Variants in PCNX1 observed in about 807,000 individuals in gnomAD.
PCNX1 encodes the protein pecanex 1, also known as pecanex-like protein 1.
Under a neutral mutation model 242.2 loss-of-function variants are expected in PCNX1, and 78 were observed. The observed-to-expected ratio is 0.32, with a 90% CI of 0.27 to 0.39. PCNX1 has a LOEUF of 0.39. PCNX1 is among the 10% of genes least tolerant of loss of function. The pLI is 1.00. For synonymous variants in PCNX1, 1,024 were observed against 1,032.9 expected, an observed-to-expected ratio of 0.99 and a Z score of 0.17; for missense variants, 2,581 against 2,856.5, an observed-to-expected ratio of 0.90 and a Z score of 2.20.
At chr14:71,104,217 T>C (rs1236215733) in intron 32 of PCNX1, among the ~76,000 whole-genome samples, 2 of 152,228 alleles carry the variant, frequency 1.3e-5, no homozygotes, top group African/African-American at 4.8e-5. Flanking sequence ...AAATTATGTC[T>C]GGTGTAGGAA....
intron 1 of PCNX1, among the ~76,000 whole-genome samples, chr14:70,911,889 CAT>C (rs1245843479): frequency 1.3e-5 from 2 of 152,110 alleles, no homozygotes; most frequent in Admixed American, 1.3e-4. Flanking sequence ...ATTTTCATAA[CAT>C]ATTGCTCAAT....
intron 12 of PCNX1, among the ~76,000 whole-genome samples, chr14:71,019,946 C>T (rs1333426140): frequency 2.0e-5 from 3 of 151,960 alleles, no homozygotes; most frequent in Admixed American, 2.0e-4. Flanking sequence ...CCCTCCGCCC[C>T]CTGACGGACC....
intron 1 of PCNX1, among the ~76,000 whole-genome samples, chr14:70,931,137 G>A (rs2056783623): frequency 6.6e-6 from 1 of 152,030 alleles, no homozygotes; most frequent in African/African-American, 2.4e-5. Flanking sequence ...AAGAATGAAA[G>A]GTGGGAGAGC....
At chr14:70,980,262 A>C (rs2058799884) in intron 6 of PCNX1, among the ~76,000 whole-genome samples, 1 of 151,826 alleles carries the variant, frequency 6.6e-6, no homozygotes, top group Non-Finnish European at 1.5e-5. Flanking sequence ...TTTTTTAGGA[A>C]AAGTTACCTG....
intron 5 of PCNX1, among the ~76,000 whole-genome samples, chr14:70,971,057 A>G (rs1181347394): frequency 6.6e-6 from 1 of 151,750 alleles, no homozygotes; most frequent in Non-Finnish European, 1.5e-5. Context: ...ACAGTCCTAT[A>G]ATTCAAATCT....
Position 70,931,847 on chromosome 14 carries a change from G to C in PCNX1, c.154-15068G>C, listed in dbSNP as rs12878500. Among the ~76,000 whole-genome samples, 776 of 152,356 alleles carry C rather than the reference G, an allele frequency of 5.1e-3. 8 individuals are homozygous for C. Among genetic ancestry groups the C allele is most frequent in the Middle Eastern group, 6.8e-3 (2 of 294 alleles). On this transcript the variant is annotated intron_variant, in intron 1 of 35. Transcript: ENST00000304743. The stretch of plus-strand genomic sequence containing the variant: ...GGGATTTAAGAATGATCTAGGGCCA[G>C]GCACGGTGGCTCACGCCTGTAATCC...
chr14:70,985,833 A>G (rs1364626665), intron 6 of PCNX1, among the ~76,000 whole-genome samples: 1 of 152,224 alleles, frequency 6.6e-6, no homozygotes, highest in Non-Finnish European at 1.5e-5. Context: ...AAGCAGTGTC[A>G]AAATGTCAAC....
At chr14:71,001,216 C>T (rs927563538) in intron 8 of PCNX1, among the ~76,000 whole-genome samples, 1 of 152,174 alleles carries the variant, frequency 6.6e-6, no homozygotes, top group African/African-American at 2.4e-5. Context: ...GCAGTGAACA[C>T]TGTGCTGAAT....
At chr14:71,008,508 T>C (rs1040610168) in intron 8 of PCNX1, among the ~76,000 whole-genome samples, 13 of 151,854 alleles carry the variant, frequency 8.6e-5, no homozygotes, top group Middle Eastern at 3.4e-3. Context: ...TACGAAAAAT[T>C]AGCCGGGCGT....
At chr14:70,982,364 G>A (rs1433919168) in intron 6 of PCNX1, among the ~76,000 whole-genome samples, 1 of 152,196 alleles carries the variant, frequency 6.6e-6, no homozygotes, top group Non-Finnish European at 1.5e-5. Context: ...GAAATACACA[G>A]CTAACCCTAA....
chr14:70,948,968 TAC>T (rs1387530689), intron 2 of PCNX1, among the ~76,000 whole-genome samples: 5 of 148,296 alleles, frequency 3.4e-5, no homozygotes, highest in East Asian at 2.0e-4. Context: ...TATGTGTATA[TAC>T]ACTTATAAAT....
intron 5 of PCNX1, among the ~76,000 whole-genome samples, chr14:70,975,366 TTAAAATG>T (rs752122858): frequency 3.3e-5 from 5 of 152,156 alleles, no homozygotes; most frequent in Non-Finnish European, 7.4e-5. Context: ...CTTGAAAACT[TTAAAATG>T]TAAAATAAAG....
intron 6 of PCNX1, among the ~76,000 whole-genome samples, chr14:70,984,159 A>G (rs1297284267): frequency 6.6e-6 from 1 of 151,256 alleles, no homozygotes; most frequent in Non-Finnish European, 1.5e-5. Flanking sequence ...ATCTTTTTGA[A>G]GTACTAAATG....
At chr14:71,080,839 T>G (rs2061836195) in intron 28 of PCNX1, among the ~76,000 whole-genome samples, 1 of 152,206 alleles carries the variant, frequency 6.6e-6, no homozygotes, top group Admixed American at 6.5e-5. Flanking sequence ...CTTCCTCTCT[T>G]CCTATTTAAA....
rs2060028086 is a variant in PCNX1 at position 71,019,021 on chromosome 14, C to G, written c.3009C>G (p.Ile1003Met). 3 of 1,611,216 alleles carry G rather than the reference C, an allele frequency of 1.9e-6. No individual in the cohort carries two copies. Among genetic ancestry groups the G allele is most frequent in the African/African-American group, 1.3e-5 (1 of 74,688 alleles). ...TTTCTGTCCGTAGAAATCGTGAGAT[C>G]CTGGAAAATGTGTTAGCTGTCATCC... Reference protein sequence around the residue: ...LLALFDRNREILENVLAVILA... With the variant: ...LLALFDRNREMLENVLAVILA... Residue 1003 changes from isoleucine (I) to methionine (M), a missense_variant, in exon 12 of 36, where the codon ATC (isoleucine) becomes ATG (methionine). Ile to Met is a conservative substitution (Grantham distance 10). Coordinates refer to ENST00000304743, the MANE Select transcript of PCNX1 (RefSeq NM_014982.3).
chr14:70,933,786 T>C (rs1250982782), intron 1 of PCNX1, among the ~76,000 whole-genome samples: 1 of 152,204 alleles, frequency 6.6e-6, no homozygotes, highest in African/African-American at 2.4e-5. Context: ...TGCTTAAAAA[T>C]ATACCTTGCA....
At chr14:70,923,524 C>T (rs955635702) in intron 1 of PCNX1, among the ~76,000 whole-genome samples, 5 of 152,086 alleles carry the variant, frequency 3.3e-5, no homozygotes, top group African/African-American at 1.2e-4. Flanking sequence ...GCACATGATC[C>T]TCCTGTTGTC....
At chr14:71,064,849 T>C (rs761564816) in intron 26 of PCNX1, among the ~76,000 whole-genome samples, 2 of 152,182 alleles carry the variant, frequency 1.3e-5, no homozygotes, top group Non-Finnish European at 2.9e-5. Context: ...CTCCCACTTA[T>C]GAGTGAGAAC....
At chr14:70,995,595 A>T (rs2059325279) in intron 7 of PCNX1, 146 bp from the exon 8 acceptor site, 1 of 623,794 alleles carries the variant, frequency 1.6e-6, no homozygotes, top group Admixed American at 2.9e-5. Context: ...TGTAATCTGT[A>T]TATTTTGCAA....
Sources: gnomAD v4.1 joint callset for allele counts (sites outside exome capture counted in the v4.1 genomes callset) on GRCh38, gnomAD v4.1.1 for gene constraint, MANE v1.5 for transcripts, NCBI Gene and HGNC (gene_info 2026-07-23, HGNC 2026-07-21) for gene names.